GALNTL6: variants seen among roughly 807,000 people sequenced by gnomAD.
GALNTL6 encodes the protein polypeptide N-acetylgalactosaminyltransferase-like 6.
Under a neutral mutation model 73.7 loss-of-function variants are expected in GALNTL6, and 46 were observed. The ratio of observed to expected loss-of-function variants is 0.62; its 90% confidence interval spans 0.49 to 0.80. The LOEUF (loss-of-function observed/expected upper bound fraction) is 0.80, where lower values mean the gene tolerates loss of function less well. Ranked by LOEUF, GALNTL6 falls within the 30% of genes least tolerant of loss-of-function variation. The probability of loss-of-function intolerance (pLI) is 0.00; values close to 1 mark genes in which losing one functional copy is unlikely to be tolerated. For missense variants in GALNTL6, 604 were observed against 755.0 expected (o/e 0.80, Z 2.34); for synonymous variants, 259 against 263.7 (o/e 0.98, Z 0.17).
chr4:171,928,882 A>G (rs964785751), intron 2 of GALNTL6, among the ~76,000 whole-genome samples: 4 of 152,170 alleles, frequency 2.6e-5, no homozygotes, highest in African/African-American at 9.7e-5. Flanking sequence ...TGTGATGTTC[A>G]CAGAAAAACG....
At chr4:172,161,114 G>GGGAT (rs1249407747) in intron 2 of GALNTL6, among the ~76,000 whole-genome samples, 1 of 151,850 alleles carries the variant, frequency 6.6e-6, no homozygotes, top group African/African-American at 2.4e-5. Context: ...GTCACAAAGA[G>GGGAT]GGATGCTTCT....
chr4:172,397,879 T>C (rs1743906482), intron 5 of GALNTL6, among the ~76,000 whole-genome samples: 1 of 152,128 alleles, frequency 6.6e-6, no homozygotes, highest in African/African-American at 2.4e-5. Flanking sequence ...GCCTGGCCAC[T>C]ATCTTTTATT....
intron 2 of GALNTL6, among the ~76,000 whole-genome samples, chr4:172,053,848 A>C (rs1248659344): frequency 2.0e-5 from 3 of 152,112 alleles, no homozygotes; most frequent in Admixed American, 6.6e-5. Flanking sequence ...AAGACCTTTA[A>C]ATTTTATCTT....
intron 5 of GALNTL6, among the ~76,000 whole-genome samples, chr4:172,695,179 A>G (rs1162978471): frequency 6.6e-6 from 1 of 152,214 alleles, no homozygotes; most frequent in Non-Finnish European, 1.5e-5. Context: ...GACATAAAAA[A>G]GTAGGAGATC....
intron 2 of GALNTL6, among the ~76,000 whole-genome samples, chr4:172,089,311 T>G (rs773996354): frequency 3.3e-5 from 5 of 152,174 alleles, no homozygotes; most frequent in Non-Finnish European, 5.9e-5. Context: ...TGCAAAGATT[T>G]TTTTATCTGA....
intron 5 of GALNTL6, among the ~76,000 whole-genome samples, chr4:172,741,891 A>T (rs1387639690): frequency 6.6e-6 from 1 of 151,908 alleles, no homozygotes; most frequent in Non-Finnish European, 1.5e-5. Context: ...AAATCACACA[A>T]ATCCCACCTG....
At chr4:171,980,805 C>T (rs984730086) in intron 2 of GALNTL6, among the ~76,000 whole-genome samples, 2 of 152,172 alleles carry the variant, frequency 1.3e-5, no homozygotes, top group Non-Finnish European at 2.9e-5. Flanking sequence ...GACACATAGA[C>T]CCACTCTGAA....
chr4:172,020,140 C>T (rs1253927853), intron 2 of GALNTL6, among the ~76,000 whole-genome samples: 1 of 151,616 alleles, frequency 6.6e-6, no homozygotes, highest in Admixed American at 6.6e-5. Flanking sequence ...TACAACATAC[C>T]AAAACTTATG....
chr4:173,013,654 A>C (rs1448162708), intron 11 of GALNTL6, among the ~76,000 whole-genome samples: 1 of 150,496 alleles, frequency 6.6e-6, no homozygotes, highest in Non-Finnish European at 1.5e-5. Context: ...CTAGACAAGC[A>C]GAAAACTACA....
chr4:172,199,857 G>T (rs1042799881), intron 2 of GALNTL6, among the ~76,000 whole-genome samples: 1 of 152,100 alleles, frequency 6.6e-6, no homozygotes, highest in African/African-American at 2.4e-5. Context: ...ACTCTAGAAA[G>T]ACTTTTCCTT....
At chr4:172,923,113 G>A (rs556389206) in intron 8 of GALNTL6, among the ~76,000 whole-genome samples, 1 of 152,310 alleles carries the variant, frequency 6.6e-6, no homozygotes, top group Admixed American at 6.5e-5. Context: ...CTAGGTGTGT[G>A]CTGACAAGGA....
intron 2 of GALNTL6, among the ~76,000 whole-genome samples, chr4:172,191,585 GAAAT>G (rs1735588398): frequency 6.6e-6 from 1 of 152,208 alleles, no homozygotes; most frequent in Non-Finnish European, 1.5e-5. Context: ...CAGTCGGACT[GAAAT>G]GCATGACTTA....
intron 2 of GALNTL6, among the ~76,000 whole-genome samples, chr4:172,143,012 G>A (rs896046242): frequency 3.3e-5 from 5 of 151,934 alleles, no homozygotes; most frequent in Non-Finnish European, 7.4e-5. Flanking sequence ...TAGATAGATA[G>A]ATAGACAGAT....
At chr4:172,827,775 C>T (rs1159058660) in intron 7 of GALNTL6, among the ~76,000 whole-genome samples, 1 of 151,928 alleles carries the variant, frequency 6.6e-6, no homozygotes, top group African/African-American at 2.4e-5. Context: ...CCTGAGCTTC[C>T]ATGGGTGGAA....
chr4:172,211,899 C>G (rs996127187), intron 2 of GALNTL6, among the ~76,000 whole-genome samples: 12 of 152,070 alleles, frequency 7.9e-5, no homozygotes, highest in African/African-American at 2.9e-4. Flanking sequence ...TTAATCATTC[C>G]CCAAAGGCCC....
intron 2 of GALNTL6, among the ~76,000 whole-genome samples, chr4:171,863,323 G>C (rs1343384218): frequency 1.3e-5 from 2 of 152,120 alleles, no homozygotes; most frequent in Non-Finnish European, 2.9e-5. Flanking sequence ...GTAGACCTCT[G>C]TGTTTAACTA....
At chr4:172,181,058 C>T (rs1054174757) in intron 2 of GALNTL6, among the ~76,000 whole-genome samples, 2 of 152,100 alleles carry the variant, frequency 1.3e-5, no homozygotes, top group African/African-American at 4.8e-5. Flanking sequence ...GGCAGTATGA[C>T]CATTTTCGTC....
intron 5 of GALNTL6, among the ~76,000 whole-genome samples, chr4:172,379,755 A>G (rs975469115): frequency 2.0e-5 from 3 of 152,170 alleles, no homozygotes; most frequent in Non-Finnish European, 4.4e-5. Context: ...CACTTAAACC[A>G]GGCTTGGGGA....
intron 10 of GALNTL6, among the ~76,000 whole-genome samples, chr4:172,960,204 T>G (rs1026443125): frequency 6.6e-6 from 1 of 152,006 alleles, no homozygotes; most frequent in Non-Finnish European, 1.5e-5. Context: ...CTGGGCTGGG[T>G]TTTTATATTC....
Sources: allele counts gnomAD v4.1 joint callset (sites outside exome capture counted in the v4.1 genomes callset), GRCh38; gene constraint gnomAD v4.1.1; transcripts MANE v1.5; gene names NCBI Gene and HGNC (gene_info 2026-07-23, HGNC 2026-07-21).